Variants in LEMD3 observed in about 807,000 individuals in gnomAD.
LEMD3 encodes the protein inner nuclear membrane protein Man1.
A neutral mutation model predicts 95.2 loss-of-function variants in LEMD3; 33 were observed. The ratio of observed to expected loss-of-function variants is 0.35; its 90% confidence interval spans 0.26 to 0.46. The LOEUF (loss-of-function observed/expected upper bound fraction) is 0.46, where lower values mean the gene tolerates loss of function less well. LEMD3 is among the 20% of genes least tolerant of loss of function. The probability of loss-of-function intolerance (pLI) is 1.00; values close to 1 mark genes in which losing one functional copy is unlikely to be tolerated. For synonymous variants in LEMD3, 525 were observed against 474.6 expected, an observed-to-expected ratio of 1.11 and a Z score of -1.38; for missense variants, 1,210 against 1,192.8, an observed-to-expected ratio of 1.01 and a Z score of -0.21.
At chr12:65,203,669 T>G (rs1254256128) in intron 1 of LEMD3, among the ~76,000 whole-genome samples, 1 of 152,200 alleles carries the variant, frequency 6.6e-6, no homozygotes, top group African/African-American at 2.4e-5. Flanking sequence ...AATGATTTGT[T>G]GAGTTCAACT....
At chr12:65,181,129 T>G (rs1413040385) in intron 1 of LEMD3, among the ~76,000 whole-genome samples, 1 of 152,134 alleles carries the variant, frequency 6.6e-6, no homozygotes, top group African/African-American at 2.4e-5. Context: ...TTGAAATTAA[T>G]TAGGAGGTGA....
At chr12:65,207,852 C>A (rs1181657043) in intron 1 of LEMD3, among the ~76,000 whole-genome samples, 1 of 152,048 alleles carries the variant, frequency 6.6e-6, no homozygotes, top group Admixed American at 6.6e-5. Context: ...TCTGAGAATT[C>A]ATAACATGAT....
At position 65,247,042 on chromosome 12, in the gene LEMD3, A is replaced by T. The variant is rs1871133828; in HGVS notation, c.*717A>T. The T allele has an allele frequency of 6.6e-6, 1 of 152,600 alleles. No individual in the cohort carries two copies. The allele number at this position is 152,600 out of a possible 1,614,324, so 9.5% of individuals were successfully genotyped here. On this transcript the variant is annotated 3_prime_UTR_variant, in exon 13 of 13. Coordinates refer to ENST00000308330, the MANE Select transcript of LEMD3 (RefSeq NM_014319.5). ...TGTGTGTATGTGTGTGTATATATAGATGTATATATATACACACACAGAGAT... is the reference window on the plus strand; with the variant it reads ...TGTGTGTATGTGTGTGTATATATAGTTGTATATATATACACACACAGAGAT...
At chr12:65,220,342 C>CT (rs1277102173) in intron 4 of LEMD3, among the ~76,000 whole-genome samples, 1 of 151,948 alleles carries the variant, frequency 6.6e-6, no homozygotes, top group Non-Finnish European at 1.5e-5. Flanking sequence ...TATATAATAC[C>CT]TTATCTGTTG....
At chr12:65,196,165 A>G (rs1869422489) in intron 1 of LEMD3, among the ~76,000 whole-genome samples, 1 of 151,202 alleles carries the variant, frequency 6.6e-6, no homozygotes, top group Non-Finnish European at 1.5e-5. Context: ...CTAAAAGCTT[A>G]GTAGATAAAG....
chr12:65,243,700 A>G (rs2136357110), intron 10 of LEMD3, among the ~76,000 whole-genome samples: 1 of 152,346 alleles, frequency 6.6e-6, no homozygotes, highest in South Asian at 2.1e-4. Flanking sequence ...TTCCTTATGA[A>G]TCGTCATAGC....
At chr12:65,234,977 A>ATT in intron 4 of LEMD3, among the ~76,000 whole-genome samples, 1 of 152,326 alleles carries the variant, frequency 6.6e-6, no homozygotes. Context: ...ATACTTGTCC[A>ATT]GTATTATATG....
At chr12:65,238,097 C>T (rs899404619) in intron 4 of LEMD3, among the ~76,000 whole-genome samples, 7 of 152,080 alleles carry the variant, frequency 4.6e-5, no homozygotes, top group Non-Finnish European at 4.4e-5. Context: ...GGTGAAACCT[C>T]GTCTCTCTAA....
chr12:65,231,482 G>A (rs77319132), intron 4 of LEMD3, among the ~76,000 whole-genome samples: 3 of 152,014 alleles, frequency 2.0e-5, no homozygotes, highest in East Asian at 1.9e-4. Flanking sequence ...CCCAGGTGGT[G>A]GAGACCAGAC....
intron 1 of LEMD3, among the ~76,000 whole-genome samples, chr12:65,209,074 C>T (rs563556874): frequency 2.6e-5 from 4 of 152,134 alleles, no homozygotes; most frequent in East Asian, 1.9e-4. Flanking sequence ...AAGAAGAGTG[C>T]CGAGATAGCA....
At chr12:65,224,139 ACAC>A (rs1216350498) in intron 4 of LEMD3, among the ~76,000 whole-genome samples, 2 of 152,164 alleles carry the variant, frequency 1.3e-5, no homozygotes, top group Non-Finnish European at 2.9e-5. Context: ...AGTGATTTAC[ACAC>A]CACCATTACA....
chr12:65,179,504 C>G (rs537341054), intron 1 of LEMD3, among the ~76,000 whole-genome samples: 1 of 152,202 alleles, frequency 6.6e-6, no homozygotes, highest in African/African-American at 2.4e-5. Flanking sequence ...AAGAGAAGGA[C>G]ACCTTAAACT....
chr12:65,193,741 T>TGTGG (rs1278599481), intron 1 of LEMD3, among the ~76,000 whole-genome samples: 24 of 137,524 alleles, frequency 1.7e-4, no homozygotes, highest in Admixed American at 4.3e-4. Context: ...GCTGTGTGTG[T>TGTGG]GTGTGTGTGT....
rs553554240 is a variant in LEMD3 at position 65,219,286 on chromosome 12, T to C, written c.1695+667T>C. Among the ~76,000 whole-genome samples, 3 of 152,332 alleles carry C rather than the reference T, an allele frequency of 2.0e-5. No homozygotes were observed. The South Asian group carries it at 6.2e-4, about 32-fold the overall frequency. ...CTCCAAATACTAAGAGAACTTGCTG[T>C]TGAATTTTCTAAACTACTGTAAATA... is the stretch of plus-strand genomic sequence containing the variant. On this transcript the variant is annotated intron_variant, in intron 4 of 12. Coordinates refer to ENST00000308330, the MANE Select transcript of LEMD3 (RefSeq NM_014319.5).
At chr12:65,224,126 T>C (rs1046205994) in intron 4 of LEMD3, among the ~76,000 whole-genome samples, 10 of 152,176 alleles carry the variant, frequency 6.6e-5, no homozygotes, top group South Asian at 2.1e-4. Flanking sequence ...TATATCACAA[T>C]TAAGTGATTT....
chr12:65,240,273 GA>G, intron 8 of LEMD3, 35 bp downstream of exon 8: 1 of 1,438,584 alleles, frequency 7.0e-7, no homozygotes, highest in Non-Finnish European at 9.8e-7. Flanking sequence ...AAGTAAATCA[GA>G]AAATTTAAGT....
At chr12:65,198,426 A>C (rs1869497123) in intron 1 of LEMD3, among the ~76,000 whole-genome samples, 1 of 152,150 alleles carries the variant, frequency 6.6e-6, no homozygotes, top group South Asian at 2.1e-4. Context: ...TTAAGTAATA[A>C]AAATTACAAA....
intron 1 of LEMD3, among the ~76,000 whole-genome samples, chr12:65,202,952 TA>T (rs1166696567): frequency 6.6e-6 from 1 of 152,142 alleles, no homozygotes; most frequent in East Asian, 1.9e-4. Context: ...CTAGCCCACC[TA>T]AACGCTTGTT....
Position 65,170,374 on chromosome 12 carries a change from G to A in LEMD3, c.778G>A (p.Asp260Asn). The stretch of plus-strand genomic sequence containing the variant: ...CTACAGCTGCCGGGAAAACTATTCG[G>A]ACTCAGAGGAAGAGGACGACGACGA... ...VPYSCRENYS[D>N]SEEEDDDDVA... is the part of the protein sequence containing the mutation. Residue 260 changes from aspartate to asparagine, a missense_variant, in exon 1 of 13, where the codon GAC becomes AAC. Physicochemically the swap from Asp to Asn is conservative, Grantham distance 23. This residue lies in a region of LEMD3 where 749 missense variants were observed against 622.9 expected (regional missense o/e 1.20). Transcript: ENST00000308330. The A allele has an allele frequency of 6.2e-7, 1 of 1,613,746 alleles. No individual in the cohort carries two copies. Among genetic ancestry groups the A allele is most frequent in the Non-Finnish European group, 8.5e-7 (1 of 1,179,830 alleles).
Sources: allele counts gnomAD v4.1 joint callset (sites outside exome capture counted in the v4.1 genomes callset), GRCh38; gene constraint gnomAD v4.1.1; regional missense constraint gnomAD v4.1.1; transcripts MANE v1.5; gene names NCBI Gene and HGNC (gene_info 2026-07-23, HGNC 2026-07-21).